Variants in PDE5A observed in about 807,000 individuals in gnomAD.
The protein encoded by PDE5A is cGMP-specific 3',5'-cyclic phosphodiesterase.
In PDE5A, 67 loss-of-function variants were observed where a neutral mutation model predicts 110.2. That is an observed-to-expected ratio of 0.61 (90% confidence interval 0.50 to 0.75). The LOEUF (loss-of-function observed/expected upper bound fraction) is 0.75. PDE5A is among the 30% of genes least tolerant of loss of function. PDE5A has a pLI of 0.00. For synonymous variants in PDE5A, 328 were observed against 351.2 expected (o/e 0.93, Z 0.74); for missense variants, 862 against 1,045.1 (o/e 0.82, Z 2.42).
chr4:119,495,517 T>G lies in PDE5A; in HGVS notation c.*3084A>C, dbSNP rs767761621. The G allele has an allele frequency of 2.6e-5, 4 of 152,478 alleles. No homozygotes were observed. The highest frequency in any genetic ancestry group is 6.6e-5 in the Admixed American group (1 of 15,242). The allele number at this position is 152,478 out of a possible 1,614,324, so 9.4% of individuals were successfully genotyped here. A position where few individuals can be genotyped will look rare whatever the true frequency, so the allele number is the denominator to read the frequency against. Reference sequence around the variant, plus strand: ...TCTGGTGAAAAACACAGAAAAAAATTGTAGATCAAATTGGAACAGGTCTAA... The same window carrying G: ...TCTGGTGAAAAACACAGAAAAAAATGGTAGATCAAATTGGAACAGGTCTAA... On this transcript the variant is annotated 3_prime_UTR_variant, in exon 21 of 21. Coordinates refer to ENST00000354960, the MANE Select transcript of PDE5A (RefSeq NM_001083.4).
At chr4:119,570,199 A>C (rs1327846620) in intron 3 of PDE5A, among the ~76,000 whole-genome samples, 1 of 152,198 alleles carries the variant, frequency 6.6e-6, no homozygotes, top group Non-Finnish European at 1.5e-5. Flanking sequence ...TGTTCAAATA[A>C]ATTCAGTCCT....
At chr4:119,576,459 T>G (rs983898266) in intron 3 of PDE5A, among the ~76,000 whole-genome samples, 6 of 152,124 alleles carry the variant, frequency 3.9e-5, no homozygotes, top group African/African-American at 1.4e-4. Context: ...TCAGCAAATG[T>G]AAAAGAACAG....
chr4:119,625,187 G>A (rs1730301432), intron 1 of PDE5A, among the ~76,000 whole-genome samples: 1 of 152,002 alleles, frequency 6.6e-6, no homozygotes, highest in Non-Finnish European at 1.5e-5. Flanking sequence ...TAGAGACGGG[G>A]TTTCACCATG....
intron 3 of PDE5A, among the ~76,000 whole-genome samples, chr4:119,577,781 C>A (rs1728415869): frequency 1.3e-5 from 2 of 152,186 alleles, no homozygotes; most frequent in Non-Finnish European, 2.9e-5. Context: ...TGGCACAAGA[C>A]AGGGATGCCC....
intron 7 of PDE5A, among the ~76,000 whole-genome samples, chr4:119,558,854 T>G (rs1046367643): frequency 4.8e-5 from 7 of 144,856 alleles, no homozygotes; most frequent in African/African-American, 1.8e-4. Flanking sequence ...GAGGCGGAGC[T>G]TGCAGTGAGC....
chr4:119,592,486 A>AAAAAAAT, intron 3 of PDE5A, among the ~76,000 whole-genome samples: 1 of 138,462 alleles, frequency 7.2e-6, no homozygotes, highest in Non-Finnish European at 1.6e-5. Context: ...AAAAAAAAAA[A>AAAAAAAT]AGCTGTGTTC....
At chr4:119,581,031 T>C (rs1728571745) in intron 3 of PDE5A, among the ~76,000 whole-genome samples, 1 of 152,190 alleles carries the variant, frequency 6.6e-6, no homozygotes, top group Non-Finnish European at 1.5e-5. Flanking sequence ...TTTTTGGATT[T>C]GGAGTCTGTT....
At chr4:119,590,991 C>T (rs757419869) in intron 3 of PDE5A, among the ~76,000 whole-genome samples, 7 of 152,184 alleles carry the variant, frequency 4.6e-5, no homozygotes, top group African/African-American at 9.6e-5. Context: ...TTGGCTTACT[C>T]GATAAGGGTG....
At chr4:119,601,412 C>T (rs2110542691) in intron 2 of PDE5A, among the ~76,000 whole-genome samples, 1 of 152,266 alleles carries the variant, frequency 6.6e-6, no homozygotes, top group South Asian at 2.1e-4. Flanking sequence ...TGCTGGCATT[C>T]TGGAGAAGGC....
chr4:119,522,580 T>C (rs1043928926), intron 12 of PDE5A, among the ~76,000 whole-genome samples: 49 of 152,070 alleles, frequency 3.2e-4, no homozygotes, highest in African/African-American at 1.0e-3. Flanking sequence ...ATACCATATA[T>C]TGTGAAACAA....
At chr4:119,570,966 TGCC>T (rs912865576) in intron 3 of PDE5A, among the ~76,000 whole-genome samples, 2 of 152,228 alleles carry the variant, frequency 1.3e-5, no homozygotes, top group African/African-American at 4.8e-5. Flanking sequence ...TTATTCATTC[TGCC>T]ATAAATACTT....
chr4:119,596,662 G>T, intron 2 of PDE5A, 50 bp from the exon 3 acceptor site: 1 of 1,048,670 alleles, frequency 9.5e-7, no homozygotes, highest in Non-Finnish European at 1.4e-6. Context: ...TTCAAAGATT[G>T]ATTTGATTTT....
intron 16 of PDE5A, among the ~76,000 whole-genome samples, chr4:119,507,373 C>T (rs1379515658): frequency 1.3e-5 from 2 of 151,956 alleles, no homozygotes; most frequent in African/African-American, 4.8e-5. Flanking sequence ...TATATAGTTT[C>T]AGAGACACAG....
chr4:119,611,246 A>G (rs41464847), intron 1 of PDE5A, among the ~76,000 whole-genome samples: 71,485 of 151,970 alleles, frequency 0.47, 17,112 homozygotes, highest in South Asian at 0.64. Context: ...TTGTTTATCA[A>G]TCTGTTGTTA....
At chr4:119,550,787 C>T (rs1229322596) in intron 9 of PDE5A, among the ~76,000 whole-genome samples, 4 of 152,146 alleles carry the variant, frequency 2.6e-5, no homozygotes, top group Non-Finnish European at 5.9e-5. Flanking sequence ...AATCTTTATA[C>T]TTATAAAAAA....
intron 17 of PDE5A, among the ~76,000 whole-genome samples, chr4:119,505,072 C>G (rs991059673): frequency 3.3e-5 from 5 of 151,966 alleles, no homozygotes; most frequent in African/African-American, 1.2e-4. Context: ...AATGAAAAGC[C>G]TTTGAATGAT....
At chr4:119,562,268 A>G (rs900477777) in intron 6 of PDE5A, among the ~76,000 whole-genome samples, 1 of 152,206 alleles carries the variant, frequency 6.6e-6, no homozygotes, top group Non-Finnish European at 1.5e-5. Flanking sequence ...GTTTCTTCAC[A>G]TTACAAAATC....
chr4:119,567,170 A>AT (rs1220591874), intron 3 of PDE5A, 26 bp from the exon 4 acceptor site: 5 of 1,528,388 alleles, frequency 3.3e-6, no homozygotes, highest in African/African-American at 2.7e-5. Flanking sequence ...AAAAGCGACA[A>AT]TTTTTTTATT....
intron 3 of PDE5A, among the ~76,000 whole-genome samples, chr4:119,593,021 A>G (rs1437654961): frequency 6.6e-6 from 1 of 152,156 alleles, no homozygotes; most frequent in Non-Finnish European, 1.5e-5. Flanking sequence ...TATTCATGTA[A>G]TGAAATTTAA....
Sources: gnomAD v4.1 joint callset for allele counts (sites outside exome capture counted in the v4.1 genomes callset) on GRCh38, gnomAD v4.1.1 for gene constraint, MANE v1.5 for transcripts, NCBI Gene and HGNC (gene_info 2026-07-23, HGNC 2026-07-21) for gene names.